The following NUP210 variants were observed in gnomAD, a reference collection of about 807,000 sequenced individuals.
The protein encoded by NUP210 is nucleoporin 210.
NUP210 carries 151 observed loss-of-function variants against 196.0 expected under a neutral mutation model. The observed-to-expected ratio is 0.77, with a 90% confidence interval of 0.67 to 0.88. The LOEUF is 0.88. Ranked by LOEUF, NUP210 falls within the 40% of genes least tolerant of loss-of-function variation. The pLI is 0.00. For missense variants in NUP210, 2,314 were observed against 2,493.7 expected (o/e 0.93, Z 1.53); for synonymous variants, 1,070 against 1,052.7 (o/e 1.02, Z -0.32).
intron 29 of NUP210, 89 bp downstream of exon 29, chr3:13,332,204 C>T (rs917393349): frequency 1.2e-5 from 13 of 1,052,942 alleles, no homozygotes; most frequent in Non-Finnish European, 1.6e-5. Flanking sequence ...CCTGAAAGTA[C>T]CCATGGCTCC....
At chr3:13,375,763 T>G (rs1698883351) in intron 10 of NUP210, 122 bp from the exon 11 acceptor site, 2 of 1,071,206 alleles carry the variant, frequency 1.9e-6, no homozygotes, top group East Asian at 2.4e-5. Flanking sequence ...GGGGGAAGAG[T>G]GGAGAGGAAG....
intron 5 of NUP210, among the ~76,000 whole-genome samples, chr3:13,386,867 C>G (rs554163623): frequency 6.6e-6 from 1 of 152,148 alleles, no homozygotes; most frequent in Non-Finnish European, 1.5e-5. Flanking sequence ...TTCCCCTGCC[C>G]GCCTTTCACC....
At chr3:13,412,508 G>A (rs796089053) in intron 1 of NUP210, among the ~76,000 whole-genome samples, 18 of 152,162 alleles carry the variant, frequency 1.2e-4, no homozygotes, top group East Asian at 1.2e-3. Context: ...GAGGTCGGGA[G>A]TTCGAGACCA....
chr3:13,378,989 T>C lies in NUP210; in HGVS notation c.977-9A>G. 6.2e-7 allele frequency: 1 copy of C among 1,613,104 alleles called. No homozygotes were observed. ...ACCTTGCATGCGAATACCTGAATTT[T>C]GAATTAAGGGGCAAGACATATGACA... is the stretch of plus-strand genomic sequence containing the variant. On this transcript the variant is annotated splice_polypyrimidine_tract_variant and intron_variant, in intron 7 of 39. Transcript: ENST00000254508.
chr3:13,324,199 C>G (rs1225043328), intron 33 of NUP210, among the ~76,000 whole-genome samples: 2 of 130,050 alleles, frequency 1.5e-5, no homozygotes, highest in East Asian at 5.9e-4. Context: ...GTCCCACTCT[C>G]TAGCCTGGGA....
chr3:13,328,392 C>A (rs574142111), intron 31 of NUP210, among the ~76,000 whole-genome samples: 3 of 152,250 alleles, frequency 2.0e-5, no homozygotes, highest in African/African-American at 7.2e-5. Flanking sequence ...CCAGTTCTTT[C>A]CATAAGGCAA....
rs1476486146 is a variant in NUP210 at position 13,365,878 on chromosome 3, C to G, written c.1932+68G>C. The G allele has an allele frequency of 4.2e-5, 65 of 1,551,588 alleles. No homozygotes were observed. In the Middle Eastern group the frequency reaches 5.1e-4, roughly 12 times the overall value. ...GGTTTATCATGCAAATTCGTCAGAGCAAATGGGTAATTTGCATCTGGGAAG... is the reference window on the plus strand; with the variant it reads ...GGTTTATCATGCAAATTCGTCAGAGGAAATGGGTAATTTGCATCTGGGAAG... On this transcript the variant is annotated intron_variant, in intron 14 of 39. Coordinates refer to ENST00000254508, the MANE Select transcript of NUP210 (RefSeq NM_024923.4).
chr3:13,363,346 C>T (rs1254922552), intron 14 of NUP210, among the ~76,000 whole-genome samples: 1 of 152,226 alleles, frequency 6.6e-6, no homozygotes, highest in Admixed American at 6.5e-5. Flanking sequence ...CAATAAAACC[C>T]CACTATGGGC....
At position 13,317,886 on chromosome 3, in the gene NUP210, T is replaced by C. The variant is rs567908505; in HGVS notation, c.5564-105A>G. 5.2e-6 allele frequency: 4 copies of C among 774,488 alleles called. No homozygotes were observed. The Admixed American group carries it at 7.3e-5, about 14-fold the overall frequency. 48.0% of individuals were successfully genotyped at this position (774,488 alleles called of 1,614,324 possible). A position where few individuals can be genotyped will look rare whatever the true frequency, so the allele number is the denominator to read the frequency against. ...GGCGCCTGCCTCACCCAGGACACTC[T>C]CACAGTGATGCCCCGAGGCCTCCCC... is the stretch of plus-strand genomic sequence containing the variant. On this transcript the variant is annotated intron_variant, in intron 39 of 39. Coordinates refer to ENST00000254508, the MANE Select transcript of NUP210 (RefSeq NM_024923.4).
chr3:13,326,078 C>A, intron 32 of NUP210, 147 bp from the exon 33 acceptor site: 1 of 1,038,538 alleles, frequency 9.6e-7, no homozygotes, highest in Non-Finnish European at 1.4e-6. Flanking sequence ...GACAGCCACG[C>A]TGCCTGCCCC....
At chr3:13,329,565 G>A (rs915413234) in intron 30 of NUP210, among the ~76,000 whole-genome samples, 3 of 152,202 alleles carry the variant, frequency 2.0e-5, no homozygotes, top group African/African-American at 4.8e-5. Flanking sequence ...GTTGAAATAG[G>A]ATGAGCAGTC....
chr3:13,396,909 C>A (rs1293357557), intron 3 of NUP210, among the ~76,000 whole-genome samples: 1 of 152,100 alleles, frequency 6.6e-6, no homozygotes, highest in Non-Finnish European at 1.5e-5. Context: ...TGTGACCTGA[C>A]CCACAAACAT....
chr3:13,383,230 C>G (rs1436695459), intron 6 of NUP210, among the ~76,000 whole-genome samples: 1 of 152,188 alleles, frequency 6.6e-6, no homozygotes, highest in Non-Finnish European at 1.5e-5. Flanking sequence ...CTAGCTCGGC[C>G]CCTCTCAGTT....
chr3:13,405,526 G>A (rs1197811922), intron 1 of NUP210, among the ~76,000 whole-genome samples: 1 of 151,468 alleles, frequency 6.6e-6, no homozygotes, highest in Non-Finnish European at 1.5e-5. Flanking sequence ...ATATATATAG[G>A]CTATATATAT....
rs911052403 is a variant in NUP210 at position 13,352,032 on chromosome 3, GT to G, written c.2733+47del. On this transcript the variant is annotated intron_variant, in intron 19 of 39. Coordinates refer to ENST00000254508, the MANE Select transcript of NUP210 (RefSeq NM_024923.4). ...TGGGCCGCATGTGGGAGGGCGAGGA[GT>G]CCCCCCGTGGGTCTTGCCCAGGAAG... is the stretch of plus-strand genomic sequence containing the variant. 2.5e-6 allele frequency: 4 copies of G among 1,601,012 alleles called. No homozygotes were observed. In the Admixed American group the frequency reaches 5.0e-5, roughly 20 times the overall value.
chr3:13,350,845 A>G lies in NUP210; in HGVS notation c.2835+1034T>C, dbSNP rs962837101. Among the ~76,000 whole-genome samples the G allele has an allele frequency of 6.6e-6, 1 of 151,848 alleles. No individual in the cohort carries two copies. The highest frequency in any genetic ancestry group is 1.5e-5 in the Non-Finnish European group (1 of 67,944). The stretch of plus-strand genomic sequence containing the variant: ...GTAGCTGGGAATACAGGCGCCCGCC[A>G]CTACGCCTGGCTAATTTTTTTTTTT... On this transcript the variant is annotated intron_variant, in intron 20 of 39. Transcript: ENST00000254508. This position sits in a 1 kb window ranked among gnomAD's most constrained non-coding sequence, Gnocchi z 4.1.
intron 26 of NUP210, 144 bp downstream of exon 26, chr3:13,337,693 C>T: frequency 1.4e-6 from 1 of 722,756 alleles, no homozygotes; most frequent in Non-Finnish European, 2.4e-6. Context: ...GAGGGTGTCT[C>T]CCTGGGTGGG....
intron 13 of NUP210, among the ~76,000 whole-genome samples, chr3:13,371,088 T>C (rs1215211860): frequency 6.6e-6 from 1 of 152,234 alleles, no homozygotes; most frequent in Non-Finnish European, 1.5e-5. Flanking sequence ...TCCTATTCAA[T>C]AGTTCACCTG....
intron 6 of NUP210, among the ~76,000 whole-genome samples, chr3:13,383,028 C>T (rs1699153824): frequency 6.6e-6 from 1 of 151,928 alleles, no homozygotes; most frequent in African/African-American, 2.4e-5. Context: ...CCTGTGGTCC[C>T]AGCTACTCAG....
Sources: gnomAD v4.1 joint callset for allele counts (sites outside exome capture counted in the v4.1 genomes callset) on GRCh38, gnomAD v4.1.1 for gene constraint, Gnocchi (gnomAD v3.1) non-coding constraint, MANE v1.5 for transcripts, NCBI Gene and HGNC (gene_info 2026-07-23, HGNC 2026-07-21) for gene names.